The following RND3 variants were observed in gnomAD, a reference collection of about 807,000 sequenced individuals.
The protein encoded by RND3 is rho-related GTP-binding protein RhoE.
RND3 carries 8 observed loss-of-function variants against 26.5 expected under a neutral mutation model. The ratio of observed to expected loss-of-function variants is 0.30; its 90% CI spans 0.18 to 0.54. The LOEUF is 0.54. Among genes scored for constraint, RND3 ranks in the 20% least tolerant of loss-of-function variants. RND3 has a pLI of 0.94. For synonymous variants in RND3, 113 were observed against 113.0 expected, an observed-to-expected ratio of 1.00 and a Z score of 0.00; for missense variants, 207 against 302.8, an observed-to-expected ratio of 0.68 and a Z score of 2.35.
intron 3 of RND3, among the ~76,000 whole-genome samples, chr2:150,481,536 C>T (rs574413968): frequency 2.6e-4 from 39 of 152,232 alleles, no homozygotes; most frequent in Non-Finnish European, 4.7e-4. Flanking sequence ...CTCATGTTTT[C>T]ACCATGTCTG....
intron 3 of RND3, among the ~76,000 whole-genome samples, chr2:150,481,291 C>T (rs1686265639): frequency 1.3e-5 from 2 of 152,136 alleles, no homozygotes; most frequent in South Asian, 4.1e-4. Flanking sequence ...CCTCCGGGCT[C>T]ACCATCCTAT....
chr2:150,485,925 A>G (rs1686350709), intron 3 of RND3, among the ~76,000 whole-genome samples: 1 of 151,952 alleles, frequency 6.6e-6, no homozygotes, highest in South Asian at 2.1e-4. Context: ...CTGGAAGGTC[A>G]AAGGCGAATA....
Position 150,469,889 on chromosome 2 carries a change from C to G in RND3, c.*98G>C. The G allele has an allele frequency of 7.1e-7, 1 of 1,409,846 alleles. No homozygotes were observed. Among genetic ancestry groups the G allele is most frequent in the Non-Finnish European group, 9.7e-7 (1 of 1,027,462 alleles). The allele number at this position is 1,409,846 out of a possible 1,614,324, so 87.3% of individuals were successfully genotyped here. On this transcript the variant is annotated 3_prime_UTR_variant, in exon 6 of 6. Transcript: ENST00000263895. ...AAACGCCTCCTAAGCCTCTGGTATA[C>G]ATGACTTTGGCTGTGCACTTCATTT...
In RND3 at chr2:150,469,570, C is replaced by T. The variant is rs115015150; in HGVS notation, c.*417G>A. 0.014 allele frequency: 2,408 copies of T among 166,180 alleles called. 27 individuals carry two copies. The highest frequency in any genetic ancestry group is 0.025 in the Middle Eastern group (8 of 324). The allele number at this position is 166,180 out of a possible 1,614,324, so 10.3% of individuals were successfully genotyped here. ...TTCCCCCTTGAGGACGGTATATTAA[C>T]GTATACTTTTTGTAAAGGAGATTAA... On this transcript the variant is annotated 3_prime_UTR_variant, in exon 6 of 6. Transcript: ENST00000263895.
chr2:150,478,406 A>G (rs866828759), intron 3 of RND3, among the ~76,000 whole-genome samples: 1 of 151,930 alleles, frequency 6.6e-6, no homozygotes, highest in Non-Finnish European at 1.5e-5. Context: ...CATGCCAAAA[A>G]AAAAGGAAGA....
rs145252332 is a variant in RND3 at position 150,468,905 on chromosome 2, T to C, written c.*1082A>G. The C allele has an allele frequency of 5.9e-5, 9 of 152,724 alleles. No homozygotes were observed. In the East Asian group the frequency reaches 1.5e-3, roughly 26 times the overall value. The allele number at this position is 152,724 out of a possible 1,614,324, so 9.5% of individuals were successfully genotyped here. The stretch of plus-strand genomic sequence containing the variant: ...AAGCTTGGGTAAGTGGCATCTTCTC[T>C]CATCAATGTTCATTTAATGAAAAGT... On this transcript the variant is annotated 3_prime_UTR_variant, in exon 6 of 6. Transcript: ENST00000263895.
chr2:150,477,663 A>C (rs6711507), intron 3 of RND3, among the ~76,000 whole-genome samples: 37,524 of 152,106 alleles, frequency 0.25, 5,207 homozygotes, highest in East Asian at 0.48. Context: ...TATCTGCAAA[A>C]TTTAGACTCT....
intron 3 of RND3, among the ~76,000 whole-genome samples, chr2:150,475,711 C>T (rs1395380592): frequency 1.3e-5 from 2 of 152,182 alleles, no homozygotes; most frequent in African/African-American, 4.8e-5. Flanking sequence ...TTTAACTTAT[C>T]GCCAAACCCT....
rs1250368107 is a variant in RND3, at chr2:150,487,154, T to G, written c.150+114A>C. On this transcript the variant is annotated intron_variant, in intron 2 of 5. Transcript: ENST00000263895. ...GTAGTAAGGACCGAGAAAGACTTTT[T>G]TTTTTCTTTTTTTTTTTTTTTAAGG... 6 of 793,042 alleles carry G rather than the reference T, an allele frequency of 7.6e-6. No homozygotes were observed. In the East Asian group the frequency reaches 1.8e-4, roughly 24 times the overall value. The allele number at this position is 793,042 out of a possible 1,614,324, so 49.1% of individuals were successfully genotyped here.
At chr2:150,483,823 C>T (rs948039569) in intron 3 of RND3, among the ~76,000 whole-genome samples, 1 of 152,194 alleles carries the variant, frequency 6.6e-6, no homozygotes, top group African/African-American at 2.4e-5. Context: ...CATTTCACCT[C>T]ATGAACAACA....
rs2105224670 is a variant in RND3 at position 150,486,168 on chromosome 2, G to A, written c.238+526C>T. 6.6e-6 allele frequency among the ~76,000 whole-genome samples: 1 copy of A among 152,182 alleles called. No homozygotes were observed. The highest frequency in any genetic ancestry group is 2.0e-4 in the East Asian group (1 of 5,126). ...CGCATTCCTGGGTGTAGGCGTCACGGGCGCCGCGGCTGCCTGCGCTCAGTT... is the reference window on the plus strand; with the variant it reads ...CGCATTCCTGGGTGTAGGCGTCACGAGCGCCGCGGCTGCCTGCGCTCAGTT... On this transcript the variant is annotated intron_variant, in intron 3 of 5. Transcript: ENST00000263895. The surrounding 1 kb of genome is among the most constrained non-coding windows in gnomAD (Gnocchi z 4.5).
intron 2 of RND3, chr2:150,487,045 G>A: frequency 1.7e-6 from 1 of 603,650 alleles, no homozygotes; most frequent in Admixed American, 2.9e-5. Context: ...AGTTTCAGGA[G>A]CTAACCAGCC....
At chr2:150,483,620 A>G (rs2105223051) in intron 3 of RND3, among the ~76,000 whole-genome samples, 1 of 152,356 alleles carries the variant, frequency 6.6e-6, no homozygotes, top group South Asian at 2.1e-4. Flanking sequence ...AACATTTACC[A>G]AAAAATAGTC....
intron 4 of RND3, among the ~76,000 whole-genome samples, chr2:150,473,832 G>A (rs1047065383): frequency 1.3e-5 from 2 of 152,004 alleles, no homozygotes; most frequent in Non-Finnish European, 2.9e-5. Flanking sequence ...AAATTAAAAT[G>A]AAAAAAACAA....
At chr2:150,473,239 G>T (rs564492166) in intron 4 of RND3, among the ~76,000 whole-genome samples, 4 of 151,842 alleles carry the variant, frequency 2.6e-5, no homozygotes, top group African/African-American at 4.8e-5. Context: ...AAGACAAACC[G>T]CAGGGGTTAT....
chr2:150,471,615 C>G lies in RND3; in HGVS notation c.483+12G>C. Reference sequence around the variant, plus strand: ...TCTAAAATCCAGTTTTGCACATGGGCAACATACATACCTGGTCATAGGACA... The same window carrying G: ...TCTAAAATCCAGTTTTGCACATGGGGAACATACATACCTGGTCATAGGACA... On this transcript the variant is annotated intron_variant, in intron 5 of 5. Coordinates refer to ENST00000263895, the MANE Select transcript of RND3 (RefSeq NM_005168.5). The G allele has an allele frequency of 6.3e-7, 1 of 1,587,124 alleles. No individual in the cohort carries two copies. Among genetic ancestry groups the G allele is most frequent in the Non-Finnish European group, 8.6e-7 (1 of 1,169,198 alleles).
chr2:150,484,315 T>C (rs1686323831), intron 3 of RND3, among the ~76,000 whole-genome samples: 1 of 152,266 alleles, frequency 6.6e-6, no homozygotes, highest in Admixed American at 6.5e-5. Context: ...AGCCTCCAAC[T>C]ACAAACTGCC....
At chr2:150,478,246 TC>T (rs1229164379) in intron 3 of RND3, among the ~76,000 whole-genome samples, 2 of 151,156 alleles carry the variant, frequency 1.3e-5, no homozygotes, top group South Asian at 4.2e-4. Context: ...CAAAAACACC[TC>T]CTGTGTAACT....
intron 3 of RND3, among the ~76,000 whole-genome samples, chr2:150,479,551 T>G (rs1170847559): frequency 6.6e-6 from 1 of 152,212 alleles, no homozygotes; most frequent in Admixed American, 6.5e-5. Context: ...GCTAAAGCTA[T>G]TGCATATTTT....
Sources: gnomAD v4.1 joint callset for allele counts (sites outside exome capture counted in the v4.1 genomes callset) on GRCh38, gnomAD v4.1.1 for gene constraint, Gnocchi (gnomAD v3.1) non-coding constraint, MANE v1.5 for transcripts, NCBI Gene and HGNC (gene_info 2026-07-23, HGNC 2026-07-21) for gene names.